Variants in CTDSPL2 observed in about 807,000 individuals in gnomAD.
CTDSPL2 encodes CTD small phosphatase like 2.
In CTDSPL2, 5 loss-of-function variants were observed where a neutral mutation model predicts 60.0. The ratio of observed to expected loss-of-function variants is 0.08; its 90% CI spans 0.04 to 0.18. The LOEUF is 0.18. CTDSPL2 is among the 10% of genes least tolerant of loss of function. The probability of loss-of-function intolerance (pLI) is 1.00; values close to 1 mark genes in which losing one functional copy is unlikely to be tolerated. For missense variants in CTDSPL2, 370 were observed against 548.8 expected, an observed-to-expected ratio of 0.67 and a Z score of 3.26; for synonymous variants, 186 against 189.3, an observed-to-expected ratio of 0.98 and a Z score of 0.14.
chr15:44,523,377 A>T lies in CTDSPL2; in HGVS notation c.1336-732A>T, dbSNP rs531201408. Among the ~76,000 whole-genome samples, 3 of 150,398 alleles carry T rather than the reference A, an allele frequency of 2.0e-5. No individual in the cohort carries two copies. The South Asian group carries it at 6.3e-4, about 32-fold the overall frequency. ...TGAGACTAGCCAGGGCAACATAGTG[A>T]GACCTCATCTCTACATACATACATA... On this transcript the variant is annotated intron_variant, in intron 12 of 12. Transcript: ENST00000260327.
chr15:44,444,866 T>C (rs1230164211), intron 1 of CTDSPL2, among the ~76,000 whole-genome samples: 36 of 139,690 alleles, frequency 2.6e-4, no homozygotes, highest in Non-Finnish European at 9.2e-5. Context: ...TTTTTTTTTT[T>C]AGACGGAGTC....
chr15:44,490,198 G>A lies in CTDSPL2; in HGVS notation c.476-586G>A, dbSNP rs774563179. On this transcript the variant is annotated intron_variant, in intron 4 of 12. Transcript: ENST00000260327. ...CACCCAGGCTGGAGTGCAATAGTAC[G>A]ATCACCGTTCACTGCAGCCTTGACC... Among the ~76,000 whole-genome samples the A allele has an allele frequency of 4.0e-4, 61 of 152,000 alleles. 1 individual carries two copies. The highest frequency in any genetic ancestry group is 1.2e-4 in the African/African-American group (5 of 41,364).
intron 2 of CTDSPL2, among the ~76,000 whole-genome samples, chr15:44,462,289 T>A (rs2080587284): frequency 6.6e-6 from 1 of 152,188 alleles, no homozygotes; most frequent in African/African-American, 2.4e-5. Context: ...CTTTAGTAGC[T>A]TAATCTCTGT....
intron 8 of CTDSPL2, among the ~76,000 whole-genome samples, chr15:44,510,277 C>A (rs1044320254): frequency 6.6e-6 from 1 of 152,120 alleles, no homozygotes; most frequent in Non-Finnish European, 1.5e-5. Context: ...GGATTACAGG[C>A]GTGAGCCACC....
chr15:44,522,065 G>A (rs1595786049), intron 12 of CTDSPL2, among the ~76,000 whole-genome samples: 1 of 151,282 alleles, frequency 6.6e-6, no homozygotes, highest in East Asian at 1.9e-4. Flanking sequence ...GCAGGGTCTT[G>A]TTCTGTCACC....
chr15:44,436,630 C>T (rs1231606291), intron 1 of CTDSPL2, among the ~76,000 whole-genome samples: 1 of 152,180 alleles, frequency 6.6e-6, no homozygotes, highest in Non-Finnish European at 1.5e-5. Context: ...AGTGTGTCCA[C>T]CTCTTAGTCT....
intron 1 of CTDSPL2, among the ~76,000 whole-genome samples, chr15:44,450,382 TAAC>T (rs1273181528): frequency 5.9e-5 from 9 of 152,116 alleles, no homozygotes; most frequent in Admixed American, 3.9e-4. Context: ...TACCAAATGT[TAAC>T]AATCTTTGAA....
chr15:44,435,765 C>T (rs1004078403), intron 1 of CTDSPL2, among the ~76,000 whole-genome samples: 1 of 151,908 alleles, frequency 6.6e-6, no homozygotes, highest in Admixed American at 6.6e-5. Context: ...CACCACCACG[C>T]CTGGCTAATT....
At chr15:44,502,006 G>T in intron 8 of CTDSPL2, 1 of 454,998 alleles carries the variant, frequency 2.2e-6, no homozygotes, top group South Asian at 1.6e-5. Context: ...ATACACAAGG[G>T]TCTGAGATGA....
intron 2 of CTDSPL2, among the ~76,000 whole-genome samples, chr15:44,466,235 C>T (rs1446194443): frequency 6.6e-6 from 1 of 152,174 alleles, no homozygotes; most frequent in Non-Finnish European, 1.5e-5. Flanking sequence ...CCGCGCCTGG[C>T]CAGAACTCTT....
intron 1 of CTDSPL2, among the ~76,000 whole-genome samples, chr15:44,445,541 G>A (rs2080192650): frequency 6.6e-6 from 1 of 152,058 alleles, no homozygotes; most frequent in Non-Finnish European, 1.5e-5. Context: ...TATGTACATA[G>A]GAGCTGCCCT....
chr15:44,483,173 C>G (rs1034682721), intron 2 of CTDSPL2, among the ~76,000 whole-genome samples: 3 of 151,186 alleles, frequency 2.0e-5, no homozygotes, highest in Non-Finnish European at 4.4e-5. Context: ...GCAGGAGAAT[C>G]GCTTGAACCC....
chr15:44,526,179 T>C lies in CTDSPL2; in HGVS notation c.*2005T>C, dbSNP rs2081869470. 6.6e-6 allele frequency: 1 copy of C among 152,182 alleles called. No homozygotes were observed. The highest frequency in any genetic ancestry group is 2.4e-5 in the African/African-American group (1 of 41,462). The allele number at this position is 152,182 out of a possible 1,614,324, so 9.4% of individuals were successfully genotyped here. ...AAATAAAATGTACATACGTTACCTTTACATATGCTCTTGCTCAAAATTGTG... is the reference window on the plus strand; with the variant it reads ...AAATAAAATGTACATACGTTACCTTCACATATGCTCTTGCTCAAAATTGTG... On this transcript the variant is annotated 3_prime_UTR_variant, in exon 13 of 13. Transcript: ENST00000260327.
intron 8 of CTDSPL2, among the ~76,000 whole-genome samples, chr15:44,504,124 G>C (rs1256949012): frequency 1.3e-5 from 2 of 152,182 alleles, no homozygotes; most frequent in East Asian, 3.9e-4. Context: ...GAGATGGGCA[G>C]ATCACCTGAG....
chr15:44,434,494 A>C (rs150389403), intron 1 of CTDSPL2, among the ~76,000 whole-genome samples: 1,599 of 152,320 alleles, frequency 0.01, 39 homozygotes, highest in African/African-American at 0.037. Flanking sequence ...CCTGGGCTCA[A>C]GCGATCCTCC....
intron 5 of CTDSPL2, among the ~76,000 whole-genome samples, chr15:44,491,855 T>A (rs1336497143): frequency 6.6e-6 from 1 of 152,082 alleles, no homozygotes; most frequent in African/African-American, 2.4e-5. Flanking sequence ...GAGACCAGCC[T>A]GGGCAAAAGA....
At chr15:44,448,575 C>T in intron 1 of CTDSPL2, 1 of 291,418 alleles carries the variant, frequency 3.4e-6, no homozygotes, top group Middle Eastern at 7.5e-4. Flanking sequence ...TTATTCTGCC[C>T]ATGTTCATCC....
At chr15:44,471,944 G>T (rs1306743817) in intron 2 of CTDSPL2, among the ~76,000 whole-genome samples, 1 of 151,138 alleles carries the variant, frequency 6.6e-6, no homozygotes, top group Non-Finnish European at 1.5e-5. Context: ...ATCTCCTGGG[G>T]CTGTGTCCTG....
chr15:44,464,754 T>G lies in CTDSPL2; in HGVS notation c.186+5554T>G, dbSNP rs568677856. 5.9e-5 allele frequency among the ~76,000 whole-genome samples: 9 copies of G among 152,336 alleles called. No individual in the cohort carries two copies. The East Asian group carries it at 1.7e-3, about 29-fold the overall frequency. ...CAGAGTCTCTCTCTGTCGCCCAGGC[T>G]GGAATGCAGTGGCGCTGTCTCAGCT... On this transcript the variant is annotated intron_variant, in intron 2 of 12. Coordinates refer to ENST00000260327, the MANE Select transcript of CTDSPL2 (RefSeq NM_016396.3).
Sources: allele counts gnomAD v4.1 joint callset (sites outside exome capture counted in the v4.1 genomes callset), GRCh38; gene constraint gnomAD v4.1.1; transcripts MANE v1.5; gene names NCBI Gene and HGNC (gene_info 2026-07-23, HGNC 2026-07-21).